LIMD1: variants seen among roughly 807,000 people sequenced by gnomAD.
LIMD1 encodes LIM domain-containing protein 1.
Under a neutral mutation model 58.4 loss-of-function variants are expected in LIMD1, and 23 were observed. That is an observed-to-expected ratio of 0.39 (90% CI 0.28 to 0.56). The LOEUF is 0.56. Ranked by LOEUF, LIMD1 falls within the 20% of genes least tolerant of loss-of-function variation. The probability of loss-of-function intolerance (pLI) is 0.57; values close to 1 mark genes in which losing one functional copy is unlikely to be tolerated. For missense variants in LIMD1, 838 were observed against 855.5 expected (o/e 0.98, Z 0.25); for synonymous variants, 334 against 345.5 (o/e 0.97, Z 0.37).
intron 1 of LIMD1, among the ~76,000 whole-genome samples, chr3:45,610,124 G>A (rs1256341993): frequency 1.3e-5 from 2 of 152,112 alleles, no homozygotes; most frequent in Non-Finnish European, 2.9e-5. Flanking sequence ...CCCGGGAGGC[G>A]AGTGAGCCGA....
At chr3:45,661,320 ATG>A (rs1462056537) in intron 2 of LIMD1, among the ~76,000 whole-genome samples, 1 of 152,214 alleles carries the variant, frequency 6.6e-6, no homozygotes, top group African/African-American at 2.4e-5. Context: ...GTCATCATAT[ATG>A]TGAGTGTGTT....
At chr3:45,648,008 C>T (rs987420808) in intron 2 of LIMD1, among the ~76,000 whole-genome samples, 1 of 151,856 alleles carries the variant, frequency 6.6e-6, no homozygotes, top group African/African-American at 2.4e-5. Context: ...GTCCCATGTG[C>T]ACCCTTCATT....
At chr3:45,614,768 GTT>G (rs34868046) in intron 1 of LIMD1, among the ~76,000 whole-genome samples, 6 of 137,522 alleles carry the variant, frequency 4.4e-5, no homozygotes, top group African/African-American at 1.6e-4. Context: ...ATTCCTGGGT[GTT>G]TTTTTTTTTT....
intron 4 of LIMD1, among the ~76,000 whole-genome samples, chr3:45,669,725 A>T (rs1253993711): frequency 2.0e-5 from 3 of 152,208 alleles, no homozygotes; most frequent in Non-Finnish European, 4.4e-5. Flanking sequence ...AGCTTCATCC[A>T]TGCTGTTACC....
rs755451853 is a variant in LIMD1, at chr3:45,683,626, C to T, written c.*6567C>T. ...CCTCTGATTGGTCCCCTCCCACAAC[C>T]AATCAAACTGATCATGGACCTCTGC... On this transcript the variant is annotated 3_prime_UTR_variant, in exon 8 of 8. Coordinates refer to ENST00000273317, the MANE Select transcript of LIMD1 (RefSeq NM_014240.3). The T allele has an allele frequency of 1.3e-5, 2 of 152,192 alleles. No individual in the cohort carries two copies. The highest frequency in any genetic ancestry group is 4.8e-5 in the African/African-American group (2 of 41,438). 9.4% of individuals were successfully genotyped at this position (152,192 alleles called of 1,614,324 possible).
chr3:45,660,499 T>C (rs1427623330), intron 2 of LIMD1, among the ~76,000 whole-genome samples: 2 of 139,544 alleles, frequency 1.4e-5, no homozygotes, highest in African/African-American at 5.4e-5. Flanking sequence ...TCCTGCAGCC[T>C]CCGCCTCCCA....
rs1054452819 is a variant in LIMD1 at position 45,683,435 on chromosome 3, G to A, written c.*6376G>A. 13 of 152,026 alleles carry A rather than the reference G, an allele frequency of 8.6e-5. No homozygotes were observed. The highest frequency in any genetic ancestry group is 1.3e-4 in the Non-Finnish European group (9 of 68,012). 9.4% of individuals were successfully genotyped at this position (152,026 alleles called of 1,614,324 possible). A position where few individuals can be genotyped will look rare whatever the true frequency, so the allele number is the denominator to read the frequency against. ...TTTTCTGCATGGCAGGTGAAAAATT[G>A]AAAGTATCGCTAATTGATCCCCTCC... On this transcript the variant is annotated 3_prime_UTR_variant, in exon 8 of 8. Coordinates refer to ENST00000273317, the MANE Select transcript of LIMD1 (RefSeq NM_014240.3).
Position 45,682,142 on chromosome 3 carries a change from T to C in LIMD1, c.*5083T>C, listed in dbSNP as rs530933357. On this transcript the variant is annotated 3_prime_UTR_variant, in exon 8 of 8. Transcript: ENST00000273317. ...CTGGGAGTGAGGATACTCATAGTCA[T>C]AGCACCTTACACCAGAATAAAAGTT... 6.6e-6 allele frequency: 1 copy of C among 152,332 alleles called. No homozygotes were observed. The highest frequency in any genetic ancestry group is 1.9e-4 in the East Asian group (1 of 5,186). 9.4% of individuals were successfully genotyped at this position (152,332 alleles called of 1,614,324 possible). A position where few individuals can be genotyped will look rare whatever the true frequency, so the allele number is the denominator to read the frequency against.
rs750460928 is a variant in LIMD1, at chr3:45,594,839, A to ACACACG, written c.-40_-35dup. 2.4e-6 allele frequency: 3 copies of ACACACG among 1,244,662 alleles called. No individual in the cohort carries two copies. The South Asian group carries it at 4.1e-5, about 17-fold the overall frequency. 77.1% of individuals were successfully genotyped at this position (1,244,662 alleles called of 1,614,324 possible). ...CACACACACACACACACACACACAC[A>ACACACG]CACACGGCACCTGGGCTAGGCCCGG... On this transcript the variant is annotated 5_prime_UTR_variant, in exon 1 of 8. Transcript: ENST00000273317.
At chr3:45,629,465 G>A (rs1239051669) in intron 1 of LIMD1, among the ~76,000 whole-genome samples, 1 of 150,062 alleles carries the variant, frequency 6.7e-6, no homozygotes, top group Non-Finnish European at 1.5e-5. Context: ...TACTGATACA[G>A]AAGCAGGGAA....
chr3:45,620,694 A>C (rs1701621039), intron 1 of LIMD1, among the ~76,000 whole-genome samples: 1 of 152,166 alleles, frequency 6.6e-6, no homozygotes, highest in South Asian at 2.1e-4. Context: ...GCACCATTGC[A>C]CTCCAACCTG....
intron 1 of LIMD1, among the ~76,000 whole-genome samples, chr3:45,614,360 T>C (rs1246449646): frequency 6.8e-6 from 1 of 147,986 alleles, no homozygotes; most frequent in African/African-American, 2.5e-5. Flanking sequence ...ACCCAGCCTC[T>C]ACAACAAATA....
intron 1 of LIMD1, among the ~76,000 whole-genome samples, chr3:45,635,416 G>A (rs538899987): frequency 3.9e-5 from 6 of 152,084 alleles, no homozygotes; most frequent in Non-Finnish European, 8.8e-5. Flanking sequence ...GGGCCCATCA[G>A]CAAAGGCTGG....
rs536864280 is a variant in LIMD1, at chr3:45,610,676, TCAG to T, written c.1408+14394_1408+14396del. Among the ~76,000 whole-genome samples, 366 of 152,270 alleles carry T rather than the reference TCAG, an allele frequency of 2.4e-3. 3 individuals carry two copies. The highest frequency in any genetic ancestry group is 8.2e-3 in the Admixed American group (125 of 15,298). On this transcript the variant is annotated intron_variant, in intron 1 of 7. Coordinates refer to ENST00000273317, the MANE Select transcript of LIMD1 (RefSeq NM_014240.3). ...AGCTGTGAGACCTTGGGCGGGTTGT[TCAG>T]CAGCCCTGTACCTCAGTTTCCCCAT...
Position 45,684,084 on chromosome 3 carries a change from G to A in LIMD1, c.*7025G>A, listed in dbSNP as rs1697779005. On this transcript the variant is annotated 3_prime_UTR_variant, in exon 8 of 8. Transcript: ENST00000273317. Reference sequence around the variant, plus strand: ...TGTACTCTAGGTGTAAAAAAACAGAGTAGGTCATACTCTGTGGGTTATGGT... The same window carrying A: ...TGTACTCTAGGTGTAAAAAAACAGAATAGGTCATACTCTGTGGGTTATGGT... The A allele has an allele frequency of 1.3e-5, 2 of 150,492 alleles. No individual in the cohort carries two copies. Among genetic ancestry groups the A allele is most frequent in the Admixed American group, 1.3e-4 (2 of 15,154 alleles). The allele number at this position is 150,492 out of a possible 1,614,324, so 9.3% of individuals were successfully genotyped here. A position where few individuals can be genotyped will look rare whatever the true frequency, so the allele number is the denominator to read the frequency against.
intron 1 of LIMD1, among the ~76,000 whole-genome samples, chr3:45,631,272 C>A (rs1701730659): frequency 6.6e-6 from 1 of 151,648 alleles, no homozygotes; most frequent in East Asian, 1.9e-4. Context: ...ATACTGCACT[C>A]CAGCCTGGCG....
Position 45,682,080 on chromosome 3 carries a change from T to C in LIMD1, c.*5021T>C, listed in dbSNP as rs1358891989. 2 of 152,200 alleles carry C rather than the reference T, an allele frequency of 1.3e-5. No homozygotes were observed. Among genetic ancestry groups the C allele is most frequent in the African/African-American group, 2.4e-5 (1 of 41,430 alleles). The allele number at this position is 152,200 out of a possible 1,614,324, so 9.4% of individuals were successfully genotyped here. A position where few individuals can be genotyped will look rare whatever the true frequency, so the allele number is the denominator to read the frequency against. On this transcript the variant is annotated 3_prime_UTR_variant, in exon 8 of 8. Transcript: ENST00000273317. ...GTTCTAGACTCCAGTGTAGTCCTTG[T>C]GGCTACCAGGTCTGACGTGCCAAGG... is the stretch of plus-strand genomic sequence containing the variant.
At chr3:45,607,586 C>T (rs2125649703) in intron 1 of LIMD1, among the ~76,000 whole-genome samples, 1 of 152,212 alleles carries the variant, frequency 6.6e-6, no homozygotes, top group Non-Finnish European at 1.5e-5. Context: ...TGCTGTCATT[C>T]CAGGGAGGGA....
intron 1 of LIMD1, among the ~76,000 whole-genome samples, chr3:45,630,751 G>A (rs939003439): frequency 6.6e-6 from 1 of 152,162 alleles, no homozygotes; most frequent in African/African-American, 2.4e-5. Context: ...AATAGCCACA[G>A]CTGCCAACCA....
Sources: allele counts gnomAD v4.1 joint callset (sites outside exome capture counted in the v4.1 genomes callset), GRCh38; gene constraint gnomAD v4.1.1; transcripts MANE v1.5; gene names NCBI Gene and HGNC (gene_info 2026-07-23, HGNC 2026-07-21).